CNTNAP2: variants seen among roughly 807,000 people sequenced by gnomAD.
The protein encoded by CNTNAP2 is contactin associated protein 2.
A neutral mutation model predicts 155.2 loss-of-function variants in CNTNAP2; 98 were observed. The ratio of observed to expected loss-of-function variants is 0.63; its 90% CI spans 0.54 to 0.75. The LOEUF (loss-of-function observed/expected upper bound fraction) is 0.75, where lower values mean the gene tolerates loss of function less well. Among genes scored for constraint, CNTNAP2 ranks in the 30% least tolerant of loss-of-function variants. CNTNAP2 has a pLI of 0.00. For synonymous variants in CNTNAP2, 651 were observed against 631.2 expected (o/e 1.03, Z -0.47); for missense variants, 1,727 against 1,688.1 (o/e 1.02, Z -0.40).
chr7:147,076,335 G>A (rs1425539722), intron 4 of CNTNAP2, among the ~76,000 whole-genome samples: 1 of 152,206 alleles, frequency 6.6e-6, no homozygotes, highest in Non-Finnish European at 1.5e-5. Context: ...TAACTGGTGT[G>A]AGATGGTATC....
At chr7:146,669,112 AG>A (rs1333909514) in intron 1 of CNTNAP2, among the ~76,000 whole-genome samples, 2 of 152,176 alleles carry the variant, frequency 1.3e-5, no homozygotes, top group Non-Finnish European at 2.9e-5. Context: ...AAGAAACGTA[AG>A]GGTTAATTAT....
At chr7:146,911,057 G>T (rs1796264238) in intron 3 of CNTNAP2, among the ~76,000 whole-genome samples, 1 of 152,000 alleles carries the variant, frequency 6.6e-6, no homozygotes, top group Non-Finnish European at 1.5e-5. Flanking sequence ...ATGAAAAAAT[G>T]CTCATCATCA....
chr7:146,709,529 C>G lies in CNTNAP2; in HGVS notation c.98-64742C>G, dbSNP rs182193161. ...TCAGTCAAGCCTAAAGTTTGTTGCT[C>G]AGTTGGAAACAAAAGCATGGATATG... On this transcript the variant is annotated intron_variant, in intron 1 of 23. Transcript: ENST00000361727. Among the ~76,000 whole-genome samples, 317 of 152,264 alleles carry G rather than the reference C, an allele frequency of 2.1e-3. 2 individuals carry two copies. Among genetic ancestry groups the G allele is most frequent in the African/African-American group, 5.4e-3 (223 of 41,568 alleles).
chr7:147,444,806 A>T (rs1223996334), intron 10 of CNTNAP2, among the ~76,000 whole-genome samples: 1 of 152,204 alleles, frequency 6.6e-6, no homozygotes, highest in African/African-American at 2.4e-5. Context: ...TTAGTCCGTT[A>T]TCACACTGCT....
At chr7:146,980,102 G>A (rs10480366) in intron 3 of CNTNAP2, among the ~76,000 whole-genome samples, 2,639 of 152,112 alleles carry the variant, frequency 0.017, 75 homozygotes, top group African/African-American at 0.059. Flanking sequence ...AAAGAGCCCA[G>A]GACAGAGTTT....
chr7:147,573,813 T>A (rs1800340670), intron 12 of CNTNAP2, among the ~76,000 whole-genome samples: 1 of 152,156 alleles, frequency 6.6e-6, no homozygotes, highest in Non-Finnish European at 1.5e-5. Flanking sequence ...TATATTGGAA[T>A]GCATGATTTT....
intron 1 of CNTNAP2, among the ~76,000 whole-genome samples, chr7:146,609,700 G>A (rs1799103485): frequency 6.6e-6 from 1 of 152,148 alleles, no homozygotes; most frequent in African/African-American, 2.4e-5. Context: ...CAAGTAAACA[G>A]AATTATTTCT....
intron 1 of CNTNAP2, among the ~76,000 whole-genome samples, chr7:146,368,636 A>G (rs1487867516): frequency 6.6e-6 from 1 of 152,120 alleles, no homozygotes; most frequent in Non-Finnish European, 1.5e-5. Flanking sequence ...TGAACCTTAC[A>G]TGATACTAAT....
chr7:146,605,319 T>C (rs1463240927), intron 1 of CNTNAP2, among the ~76,000 whole-genome samples: 1 of 151,214 alleles, frequency 6.6e-6, no homozygotes, highest in African/African-American at 2.4e-5. Flanking sequence ...ATTATCATCA[T>C]TGTTTTCATT....
chr7:147,121,123 G>A lies in CNTNAP2; in HGVS notation c.899G>A (p.Arg300His), dbSNP rs748407252. ...LTLDRSMQHF[R>H]TNGEFDYLDL... ...CTGGACAGGAGCATGCAGCACTTCC[G>A]TACCAATGGAGAGTTTGACTACCTG... Residue 300 changes from arginine (R) to histidine (H), a missense_variant, in exon 6 of 24, where the codon CGT (arginine) becomes CAT (histidine). Transcript: ENST00000361727. 55 of 1,613,994 alleles carry A rather than the reference G, an allele frequency of 3.4e-5. No homozygotes were observed. Among genetic ancestry groups the A allele is most frequent in the East Asian group, 1.1e-4 (5 of 44,888 alleles).
intron 1 of CNTNAP2, among the ~76,000 whole-genome samples, chr7:146,754,899 A>T (rs956709197): frequency 2.6e-5 from 4 of 151,906 alleles, no homozygotes; most frequent in African/African-American, 7.2e-5. Flanking sequence ...AAAGTAAAGG[A>T]TTATTCTTAA....
At chr7:146,721,875 G>GTGTATATATATATATATA (rs1332551916) in intron 1 of CNTNAP2, among the ~76,000 whole-genome samples, 2 of 76,658 alleles carry the variant, frequency 2.6e-5, no homozygotes, top group African/African-American at 3.7e-4. Context: ...GTGTGTGTGT[G>GTGTATATATATATATATA]TATATATATA....
chr7:148,399,167 CATA>C (rs1799533367), intron 22 of CNTNAP2, among the ~76,000 whole-genome samples: 1 of 152,196 alleles, frequency 6.6e-6, no homozygotes. Context: ...TCTGACATAC[CATA>C]ATATGCCCGT....
chr7:147,036,436 T>A (rs1799152983), intron 3 of CNTNAP2, among the ~76,000 whole-genome samples: 1 of 152,218 alleles, frequency 6.6e-6, no homozygotes, highest in South Asian at 2.1e-4. Context: ...GGTATGTATT[T>A]GTACAATTTA....
intron 8 of CNTNAP2, chr7:147,167,413 T>A (rs763641621): frequency 6.0e-6 from 8 of 1,327,520 alleles, no homozygotes; most frequent in Non-Finnish European, 8.3e-6. Flanking sequence ...AAGCCCTTCC[T>A]CTGGCTTGCT....
chr7:146,935,397 G>C (rs1354136572), intron 3 of CNTNAP2, among the ~76,000 whole-genome samples: 1 of 152,168 alleles, frequency 6.6e-6, no homozygotes, highest in Non-Finnish European at 1.5e-5. Flanking sequence ...ATGTAGGTGA[G>C]AGACTTAAAT....
chr7:148,044,877 T>C (rs1020558134), intron 15 of CNTNAP2, among the ~76,000 whole-genome samples: 3 of 152,196 alleles, frequency 2.0e-5, no homozygotes, highest in African/African-American at 2.4e-5. Flanking sequence ...TTTGTTTTTG[T>C]AGACAACATC....
chr7:148,191,420 A>G (rs1243631672), intron 18 of CNTNAP2, among the ~76,000 whole-genome samples: 21 of 152,174 alleles, frequency 1.4e-4, no homozygotes, highest in Admixed American at 1.4e-3. Flanking sequence ...CCATAGTCAT[A>G]TATTTCTGTT....
At chr7:147,130,121 G>C (rs1396592991) in intron 7 of CNTNAP2, among the ~76,000 whole-genome samples, 3 of 151,982 alleles carry the variant, frequency 2.0e-5, no homozygotes. Flanking sequence ...GAGATAAAAA[G>C]ATAGATGTAT....
Sources: gnomAD v4.1 joint callset for allele counts (sites outside exome capture counted in the v4.1 genomes callset) on GRCh38, gnomAD v4.1.1 for gene constraint, MANE v1.5 for transcripts, NCBI Gene and HGNC (gene_info 2026-07-23, HGNC 2026-07-21) for gene names.